Variants in ESF1 observed in about 807,000 individuals in gnomAD.
ESF1 encodes the protein ESF1 nucleolar pre-rRNA processing protein.
In ESF1, 58 loss-of-function variants were observed where a neutral mutation model predicts 92.0. The ratio of observed to expected loss-of-function variants is 0.63; its 90% confidence interval spans 0.51 to 0.78. The LOEUF is 0.78. ESF1 is among the 30% of genes least tolerant of loss of function. The probability of loss-of-function intolerance (pLI) is 0.00; values close to 1 mark genes in which losing one functional copy is unlikely to be tolerated. For synonymous variants in ESF1, 321 were observed against 313.7 expected (o/e 1.02, Z -0.24); for missense variants, 922 against 989.1 (o/e 0.93, Z 0.91).
intron 9 of ESF1, 145 bp from the exon 10 acceptor site, chr20:13,733,987 C>A: frequency 1.0e-6 from 1 of 965,442 alleles, no homozygotes; most frequent in Non-Finnish European, 1.4e-6. Context: ...CTGTAATACC[C>A]CAATATCATA....
intron 2 of ESF1, among the ~76,000 whole-genome samples, chr20:13,778,362 G>A (rs1016715575): frequency 3.3e-5 from 5 of 151,874 alleles, no homozygotes; most frequent in African/African-American, 1.2e-4. Flanking sequence ...TTACTTTTAA[G>A]CAACAAGCTT....
At chr20:13,720,750 T>C (rs926074047) in intron 11 of ESF1, among the ~76,000 whole-genome samples, 6 of 151,844 alleles carry the variant, frequency 4.0e-5, no homozygotes, top group African/African-American at 1.5e-4. Flanking sequence ...TGGCAAAATG[T>C]TAACAACTGC....
At chr20:13,742,182 T>C (rs963709696) in intron 9 of ESF1, among the ~76,000 whole-genome samples, 1 of 152,030 alleles carries the variant, frequency 6.6e-6, no homozygotes, top group Non-Finnish European at 1.5e-5. Flanking sequence ...GCGTGGCCAA[T>C]GTGACGAAAC....
At chr20:13,728,082 A>T (rs1472117674) in intron 11 of ESF1, among the ~76,000 whole-genome samples, 2 of 152,164 alleles carry the variant, frequency 1.3e-5, no homozygotes, top group African/African-American at 4.8e-5. Context: ...TCATTCTTTT[A>T]TAGAGTCGAT....
At chr20:13,745,422 T>A (rs2050041918) in intron 9 of ESF1, among the ~76,000 whole-genome samples, 2 of 152,234 alleles carry the variant, frequency 1.3e-5, no homozygotes, top group South Asian at 4.1e-4. Flanking sequence ...TATATGGATA[T>A]GGCTAACTCT....
chr20:13,714,995 T>C lies in ESF1; in HGVS notation c.2435A>G (p.Glu812Gly). The C allele has an allele frequency of 6.2e-7, 1 of 1,614,100 alleles. No individual in the cohort carries two copies. Among genetic ancestry groups the C allele is most frequent in the Non-Finnish European group, 8.5e-7 (1 of 1,180,026 alleles). Reference protein sequence around the residue: ...QELTQAIKKKESEIEKESQRK... With the variant: ...QELTQAIKKKGSEIEKESQRK... ...TTGTGATTCCTTTTCAATCTCACTCTCTTTTTTCTTTATTGCCTGAGTAAG... is the reference window on the plus strand; with the variant it reads ...TTGTGATTCCTTTTCAATCTCACTCCCTTTTTTCTTTATTGCCTGAGTAAG... The change falls in exon 14 of 14, where the codon GAG (glutamate) becomes GGG (glycine). Residue 812 changes from glutamate (E) to glycine (G), a missense_variant. By Grantham distance (98) the Glu-to-Gly change is moderately conservative. Coordinates refer to ENST00000617257, the MANE Select transcript of ESF1 (RefSeq NM_001276380.2).
In ESF1 at chr20:13,769,930, A is replaced by C. The variant is rs900896307; in HGVS notation, c.1495T>G (p.Ser499Ala). The C allele has an allele frequency of 3.7e-6, 6 of 1,610,794 alleles. No individual in the cohort carries two copies. Among genetic ancestry groups the C allele is most frequent in the Admixed American group, 3.3e-5 (2 of 59,864 alleles). Reference protein sequence around the residue: ...LTAYKPKYFTSAAMGTSTVEI... With the variant: ...LTAYKPKYFTAAAMGTSTVEI... ...ACCGTTGATGTTCCCATTGCAGCAG[A>C]AGTGAAATATTTTGGTTTATATGCT... Residue 499 changes from serine to alanine, a missense_variant, in exon 7 of 14, where the codon TCT becomes GCT. Physicochemically the swap from Ser to Ala is moderately conservative, Grantham distance 99. Transcript: ENST00000617257.
chr20:13,748,570 GTGTGTA>G (rs1370005637), intron 9 of ESF1, among the ~76,000 whole-genome samples: 6 of 46,084 alleles, frequency 1.3e-4, no homozygotes, highest in South Asian at 1.2e-3. Flanking sequence ...ATATATGTGT[GTGTGTA>G]TATATATATA....
chr20:13,746,533 A>C (rs542730847), intron 9 of ESF1, among the ~76,000 whole-genome samples: 9 of 152,256 alleles, frequency 5.9e-5, no homozygotes, highest in African/African-American at 2.2e-4. Context: ...ATAAACTGTT[A>C]ATGCTATCCC....
intron 9 of ESF1, among the ~76,000 whole-genome samples, chr20:13,754,724 T>C (rs977289809): frequency 6.6e-6 from 1 of 152,182 alleles, no homozygotes; most frequent in Non-Finnish European, 1.5e-5. Flanking sequence ...GCAAGAATGA[T>C]CCTGTTAAAT....
chr20:13,780,276 T>C (rs912799525), intron 2 of ESF1, among the ~76,000 whole-genome samples: 1 of 152,170 alleles, frequency 6.6e-6, no homozygotes, highest in African/African-American at 2.4e-5. Context: ...TGAGAAAAGA[T>C]ATGTAAAAAA....
At chr20:13,729,166 G>A (rs1284085848) in intron 10 of ESF1, among the ~76,000 whole-genome samples, 1 of 152,196 alleles carries the variant, frequency 6.6e-6, no homozygotes, top group Non-Finnish European at 1.5e-5. Flanking sequence ...GGCGAGGCAG[G>A]AGAATCGCTT....
In ESF1 at chr20:13,779,830, C is replaced by T. The variant is rs535554497; in HGVS notation, c.637+2674G>A. 2.0e-5 allele frequency among the ~76,000 whole-genome samples: 3 copies of T among 152,312 alleles called. No individual in the cohort carries two copies. The South Asian group carries it at 6.2e-4, about 32-fold the overall frequency. On this transcript the variant is annotated intron_variant, in intron 2 of 13. Transcript: ENST00000617257. ...GATTATAAAGGTGAGCCACTGTGCCCAGCCAGTTACCGTTTTATTTTAAAA... is the reference window on the plus strand; with the variant it reads ...GATTATAAAGGTGAGCCACTGTGCCTAGCCAGTTACCGTTTTATTTTAAAA...
At chr20:13,781,049 C>T (rs377360119) in intron 2 of ESF1, among the ~76,000 whole-genome samples, 4 of 152,302 alleles carry the variant, frequency 2.6e-5, no homozygotes. Context: ...AGTAGTGCGT[C>T]CCCTATGAAT....
chr20:13,745,863 C>A (rs186766037), intron 9 of ESF1, among the ~76,000 whole-genome samples: 1 of 152,008 alleles, frequency 6.6e-6, no homozygotes, highest in African/African-American at 2.4e-5. Context: ...GATGTATCTG[C>A]GGTAAAACTA....
At chr20:13,780,223 C>T (rs1980116483) in intron 2 of ESF1, among the ~76,000 whole-genome samples, 1 of 152,034 alleles carries the variant, frequency 6.6e-6, no homozygotes, top group Admixed American at 6.6e-5. Context: ...TAATCTTGTT[C>T]GCTGATACAG....
chr20:13,743,609 C>T lies in ESF1; in HGVS notation c.1829-9767G>A, dbSNP rs118048215. ...ATGATCCTAGAGAACATATTATGTT[C>T]GGTGAAGGCAGACACAGAAAGATAA... On this transcript the variant is annotated intron_variant, in intron 9 of 13. Coordinates refer to ENST00000617257, the MANE Select transcript of ESF1 (RefSeq NM_001276380.2). Among the ~76,000 whole-genome samples, 13 of 152,244 alleles carry T rather than the reference C, an allele frequency of 8.5e-5. No individual in the cohort carries two copies. The East Asian group carries it at 2.3e-3, about 27-fold the overall frequency.
intron 2 of ESF1, among the ~76,000 whole-genome samples, chr20:13,781,324 C>T (rs1568731581): frequency 6.6e-6 from 1 of 151,936 alleles, no homozygotes; most frequent in South Asian, 2.1e-4. Context: ...TATACATTGA[C>T]TTTTATATTG....
chr20:13,754,709 T>C (rs993912225), intron 9 of ESF1, among the ~76,000 whole-genome samples: 20 of 152,176 alleles, frequency 1.3e-4, no homozygotes, highest in African/African-American at 4.8e-4. Flanking sequence ...TACTTATCTA[T>C]AGCAGCAAGA....
Sources: gnomAD v4.1 joint callset for allele counts (sites outside exome capture counted in the v4.1 genomes callset) on GRCh38, gnomAD v4.1.1 for gene constraint, MANE v1.5 for transcripts, NCBI Gene and HGNC (gene_info 2026-07-23, HGNC 2026-07-21) for gene names.